Variants in ATP8A1 observed in about 807,000 individuals in gnomAD.
ATP8A1 encodes ATPase phospholipid transporting 8A1.
ATP8A1 carries 90 observed loss-of-function variants against 177.7 expected under a neutral mutation model. The ratio of observed to expected loss-of-function variants is 0.51; its 90% CI spans 0.43 to 0.60. The LOEUF is 0.60. ATP8A1 is among the 20% of genes least tolerant of loss of function. The pLI is 0.00. For missense variants in ATP8A1, 1,072 were observed against 1,392.8 expected, an observed-to-expected ratio of 0.77 and a Z score of 3.67; for synonymous variants, 493 against 485.9, an observed-to-expected ratio of 1.01 and a Z score of -0.19.
chr4:42,501,046 CAAG>C (rs1449039723), intron 24 of ATP8A1, among the ~76,000 whole-genome samples: 1 of 151,830 alleles, frequency 6.6e-6, no homozygotes, highest in East Asian at 1.9e-4. Context: ...AAGTTCAACA[CAAG>C]AAAAAGATTC....
In ATP8A1 at chr4:42,617,525, T is replaced by C. The variant is rs566677368; in HGVS notation, c.364-1447A>G. 6.6e-5 allele frequency among the ~76,000 whole-genome samples: 10 copies of C among 152,344 alleles called. No homozygotes were observed. In the South Asian group the frequency reaches 2.1e-3, roughly 32 times the overall value. ...TTTTGTAGTTACAGAACTTTGAAAA[T>C]ATTCTTTTTGCTTGTTAGTAGAGAT... On this transcript the variant is annotated intron_variant, in intron 4 of 36. Transcript: ENST00000381668.
chr4:42,545,216 C>T (rs994181744), intron 19 of ATP8A1, among the ~76,000 whole-genome samples: 4 of 151,426 alleles, frequency 2.6e-5, no homozygotes, highest in Admixed American at 6.6e-5. Flanking sequence ...ATCCATAATG[C>T]TCCTGGTATT....
chr4:42,477,484 C>A (rs563781956), intron 25 of ATP8A1, among the ~76,000 whole-genome samples: 1 of 152,248 alleles, frequency 6.6e-6, no homozygotes, highest in South Asian at 2.1e-4. Flanking sequence ...CCATACCCAT[C>A]CCCCTCTCTT....
intron 29 of ATP8A1, among the ~76,000 whole-genome samples, chr4:42,453,752 A>G (rs1433400131): frequency 2.0e-5 from 3 of 152,156 alleles, no homozygotes. Flanking sequence ...TGGAGCCCAC[A>G]CTATGGTAGA....
chr4:42,464,122 A>G lies in ATP8A1; in HGVS notation c.2619+568T>C, dbSNP rs574524207. The stretch of plus-strand genomic sequence containing the variant: ...CTTTATTAAAAATGCAGTCAAGTTT[A>G]TAGACTTTTATACATTATTAATAAT... On this transcript the variant is annotated intron_variant, in intron 27 of 36. Coordinates refer to ENST00000381668, the MANE Select transcript of ATP8A1 (RefSeq NM_006095.2). Among the ~76,000 whole-genome samples the G allele has an allele frequency of 2.0e-5, 3 of 151,508 alleles. No individual in the cohort carries two copies. In the South Asian group the frequency reaches 6.2e-4, roughly 31 times the overall value.
chr4:42,515,613 C>T (rs909070045), intron 22 of ATP8A1, among the ~76,000 whole-genome samples: 1 of 152,174 alleles, frequency 6.6e-6, no homozygotes, highest in African/African-American at 2.4e-5. Flanking sequence ...AAAAGGATCA[C>T]TACCTCACTG....
chr4:42,616,175 T>C (rs1447778652), intron 4 of ATP8A1, 97 bp from the exon 5 acceptor site: 3 of 1,050,532 alleles, frequency 2.9e-6, no homozygotes, highest in Non-Finnish European at 4.2e-6. Flanking sequence ...CTTATGTTTC[T>C]CAAGGTTTTT....
At chr4:42,533,182 G>A (rs952880551) in intron 20 of ATP8A1, among the ~76,000 whole-genome samples, 1 of 150,894 alleles carries the variant, frequency 6.6e-6, no homozygotes, top group South Asian at 2.1e-4. Context: ...TGCTGCTGCA[G>A]GCTCCATGGG....
In ATP8A1 at chr4:42,586,330, A is replaced by G; in HGVS notation, c.722+19T>C. 1 of 1,612,612 alleles carries G rather than the reference A, an allele frequency of 6.2e-7. No homozygotes were observed. The highest frequency in any genetic ancestry group is 8.5e-7 in the Non-Finnish European group (1 of 1,179,326). ...GACACAGTGGATTCTGTGTTTTTATAAAGACGGATTTTACATACCCATGTC... is the reference window on the plus strand; with the variant it reads ...GACACAGTGGATTCTGTGTTTTTATGAAGACGGATTTTACATACCCATGTC... On this transcript the variant is annotated intron_variant, in intron 9 of 36. Transcript: ENST00000381668.
intron 22 of ATP8A1, 43 bp downstream of exon 22, chr4:42,522,117 G>A: frequency 6.4e-7 from 1 of 1,559,638 alleles, no homozygotes; most frequent in Non-Finnish European, 8.6e-7. Context: ...AAAACTATCT[G>A]GAAACCAAAC....
intron 2 of ATP8A1, chr4:42,626,235 C>G (rs1240501343): frequency 6.6e-6 from 1 of 152,304 alleles, no homozygotes; most frequent in Non-Finnish European, 1.5e-5. Flanking sequence ...ACCAGATATG[C>G]CCACATCAGT....
At chr4:42,643,898 C>A (rs1293525082) in intron 1 of ATP8A1, among the ~76,000 whole-genome samples, 1 of 152,160 alleles carries the variant, frequency 6.6e-6, no homozygotes, top group Non-Finnish European at 1.5e-5. Flanking sequence ...TGCCTTGTTT[C>A]ACTTTCTCGC....
chr4:42,435,460 A>AAAAAAAAAAAAAAAAC (rs1560320624), intron 33 of ATP8A1, among the ~76,000 whole-genome samples: 1 of 108,214 alleles, frequency 9.2e-6, no homozygotes, highest in African/African-American at 3.0e-5. Context: ...CAAAAAAAAA[A>AAAAAAAAAAAAAAAAC]AAACAAACTA....
intron 6 of ATP8A1, among the ~76,000 whole-genome samples, chr4:42,598,736 A>C (rs1381979102): frequency 1.3e-5 from 2 of 152,184 alleles, no homozygotes; most frequent in Non-Finnish European, 2.9e-5. Flanking sequence ...CCCATAGGCC[A>C]CTGGGAATGA....
At chr4:42,519,971 T>TGCCTCAGTCAACTTAAATTTTAATGTAGC (rs1416496852) in intron 22 of ATP8A1, among the ~76,000 whole-genome samples, 2 of 152,092 alleles carry the variant, frequency 1.3e-5, no homozygotes, top group African/African-American at 4.8e-5. Context: ...TTTAATGGAG[T>TGCCTCAGTCAACTTAAATTTTAATGTAGC]GCCTCAGTCA....
chr4:42,514,735 G>C (rs1725358481), intron 22 of ATP8A1, among the ~76,000 whole-genome samples: 1 of 152,130 alleles, frequency 6.6e-6, no homozygotes, highest in African/African-American at 2.4e-5. Flanking sequence ...ATGGGATCTG[G>C]AATTAAGACA....
intron 31 of ATP8A1, 51 bp from the exon 32 acceptor site, chr4:42,444,685 T>G (rs369725675): frequency 6.5e-7 from 1 of 1,529,446 alleles, no homozygotes; most frequent in African/African-American, 1.4e-5. Flanking sequence ...TGAAAGTTCA[T>G]CAAATGACTG....
intron 32 of ATP8A1, among the ~76,000 whole-genome samples, chr4:42,444,227 C>T (rs1240167454): frequency 6.6e-6 from 1 of 152,146 alleles, no homozygotes; most frequent in Non-Finnish European, 1.5e-5. Flanking sequence ...GAATCACTTT[C>T]CAATGGGTTT....
At chr4:42,590,098 T>C (rs1734011386) in intron 7 of ATP8A1, among the ~76,000 whole-genome samples, 2 of 152,140 alleles carry the variant, frequency 1.3e-5, no homozygotes, top group Non-Finnish European at 2.9e-5. Context: ...TATGATGACA[T>C]CTAAAACACA....
Sources: allele counts gnomAD v4.1 joint callset (sites outside exome capture counted in the v4.1 genomes callset), GRCh38; gene constraint gnomAD v4.1.1; transcripts MANE v1.5; gene names NCBI Gene and HGNC (gene_info 2026-07-23, HGNC 2026-07-21).